Variants in NKAIN2 observed in about 807,000 individuals in gnomAD.
The protein encoded by NKAIN2 is sodium/potassium transporting ATPase interacting 2.
A neutral mutation model predicts 32.6 loss-of-function variants in NKAIN2; 14 were observed. The ratio of observed to expected loss-of-function variants is 0.43; its 90% CI spans 0.28 to 0.67. The LOEUF (loss-of-function observed/expected upper bound fraction) is 0.67. Among genes scored for constraint, NKAIN2 ranks in the 30% least tolerant of loss-of-function variants. The pLI, the probability that NKAIN2 is intolerant of heterozygous loss-of-function variation, is 0.17. For synonymous variants in NKAIN2, 80 were observed against 87.2 expected (o/e 0.92, Z 0.46); for missense variants, 198 against 258.3 (o/e 0.77, Z 1.60).
At chr6:124,627,757 G>C (rs1783409956) in intron 3 of NKAIN2, among the ~76,000 whole-genome samples, 1 of 152,018 alleles carries the variant, frequency 6.6e-6, no homozygotes, top group Non-Finnish European at 1.5e-5. Context: ...AGTTATTTCA[G>C]CTTTAGTGCC....
intron 1 of NKAIN2, among the ~76,000 whole-genome samples, chr6:123,824,750 A>G (rs547955126): frequency 2.0e-5 from 3 of 151,906 alleles, no homozygotes; most frequent in Non-Finnish European, 4.4e-5. Flanking sequence ...AAAGAAAAAG[A>G]AAAAACAATT....
At chr6:124,007,130 T>C (rs1414708055) in intron 1 of NKAIN2, among the ~76,000 whole-genome samples, 1 of 152,202 alleles carries the variant, frequency 6.6e-6, no homozygotes, top group Non-Finnish European at 1.5e-5. Flanking sequence ...CTGTACAGCA[T>C]GTTACTGTGC....
At chr6:124,553,055 A>C (rs142234128) in intron 3 of NKAIN2, among the ~76,000 whole-genome samples, 2 of 152,344 alleles carry the variant, frequency 1.3e-5, no homozygotes, top group East Asian at 3.9e-4. Flanking sequence ...AGGAGACAGA[A>C]ATGTCTATAC....
rs1316547046 is a variant in NKAIN2 at position 124,278,652 on chromosome 6, TATATATA to T, written c.55-4352_55-4346del. On this transcript the variant is annotated intron_variant, in intron 1 of 6. Transcript: ENST00000368417. ...CACAAACACACATATACATAGCTCA[TATATATA>T]TATATATATATATATATATATATAT... is the stretch of plus-strand genomic sequence containing the variant. 6.7e-3 allele frequency among the ~76,000 whole-genome samples: 326 copies of T among 48,814 alleles called. 5 individuals are homozygous for T. The highest frequency in any genetic ancestry group is 0.036 in the African/African-American group (315 of 8,654). The allele number at this position is 48,814 out of a possible 152,430, so 32.0% of individuals were successfully genotyped here.
At chr6:124,690,055 C>A (rs889542319) in intron 4 of NKAIN2, among the ~76,000 whole-genome samples, 2 of 152,078 alleles carry the variant, frequency 1.3e-5, no homozygotes, top group Non-Finnish European at 2.9e-5. Flanking sequence ...GAACAGATAT[C>A]TTGAAATATT....
chr6:124,006,637 C>T (rs1039318647), intron 1 of NKAIN2, among the ~76,000 whole-genome samples: 1 of 152,112 alleles, frequency 6.6e-6, no homozygotes, highest in Non-Finnish European at 1.5e-5. Context: ...GCCCTTAGTG[C>T]CTGCACTTCT....
chr6:124,628,181 C>G (rs1467481611), intron 3 of NKAIN2, among the ~76,000 whole-genome samples: 1 of 152,142 alleles, frequency 6.6e-6, no homozygotes, highest in Non-Finnish European at 1.5e-5. Flanking sequence ...CTACTTAAAT[C>G]TTTCCGTTCC....
chr6:124,683,340 A>G (rs1172777431), intron 4 of NKAIN2, among the ~76,000 whole-genome samples: 2 of 152,162 alleles, frequency 1.3e-5, no homozygotes, highest in Non-Finnish European at 2.9e-5. Flanking sequence ...GACTTTCTCT[A>G]TATTGCTATG....
At chr6:123,907,032 C>A (rs1302188688) in intron 1 of NKAIN2, among the ~76,000 whole-genome samples, 1 of 152,158 alleles carries the variant, frequency 6.6e-6, no homozygotes, top group African/African-American at 2.4e-5. Flanking sequence ...TAGAGGCCTT[C>A]TGTTGTATCT....
chr6:124,743,906 T>A (rs901818067), intron 4 of NKAIN2, among the ~76,000 whole-genome samples: 2 of 151,868 alleles, frequency 1.3e-5, no homozygotes, highest in Non-Finnish European at 2.9e-5. Context: ...TGCTGTAGAA[T>A]AAATGACAGT....
At chr6:124,768,553 G>A (rs568899579) in intron 4 of NKAIN2, among the ~76,000 whole-genome samples, 1 of 152,164 alleles carries the variant, frequency 6.6e-6, no homozygotes, top group South Asian at 2.1e-4. Context: ...TAATCCTACA[G>A]TGTTTCCTAA....
intron 4 of NKAIN2, among the ~76,000 whole-genome samples, chr6:124,696,442 T>A (rs980056862): frequency 1.3e-5 from 2 of 152,060 alleles, no homozygotes; most frequent in African/African-American, 4.8e-5. Context: ...GCTTCAGAGT[T>A]TTCTCCCTGC....
chr6:124,312,415 CT>C (rs1796759045), intron 2 of NKAIN2, among the ~76,000 whole-genome samples: 1 of 152,212 alleles, frequency 6.6e-6, no homozygotes, highest in Non-Finnish European at 1.5e-5. Context: ...TCTGGAACTT[CT>C]GACAGACCTG....
intron 1 of NKAIN2, among the ~76,000 whole-genome samples, chr6:124,087,726 G>C (rs1002056175): frequency 6.6e-6 from 1 of 151,858 alleles, no homozygotes. Context: ...TAATAGTAGG[G>C]AAAAAGTACC....
chr6:124,340,349 T>A (rs564421278), intron 2 of NKAIN2, among the ~76,000 whole-genome samples: 1 of 152,262 alleles, frequency 6.6e-6, no homozygotes, highest in South Asian at 2.1e-4. Flanking sequence ...GATTATTTTT[T>A]AAAAAAACTC....
chr6:123,937,999 G>A (rs1363502077), intron 1 of NKAIN2, among the ~76,000 whole-genome samples: 1 of 18,870 alleles, frequency 5.3e-5, no homozygotes, highest in Admixed American at 5.4e-4. Flanking sequence ...ACACGAAAAG[G>A]TCAAGAATCC....
intron 1 of NKAIN2, among the ~76,000 whole-genome samples, chr6:124,201,988 A>T (rs1236441917): frequency 6.6e-6 from 1 of 151,952 alleles, no homozygotes; most frequent in Non-Finnish European, 1.5e-5. Context: ...GTTGTGTATT[A>T]TCAACAAACG....
chr6:124,155,342 T>A (rs760947442), intron 1 of NKAIN2, among the ~76,000 whole-genome samples: 1 of 152,066 alleles, frequency 6.6e-6, no homozygotes, highest in African/African-American at 2.4e-5. Flanking sequence ...AAATGATAAG[T>A]GTTCAAGATG....
intron 3 of NKAIN2, among the ~76,000 whole-genome samples, chr6:124,644,491 G>A (rs1458600592): frequency 1.3e-5 from 2 of 151,042 alleles, no homozygotes; most frequent in Non-Finnish European, 2.9e-5. Context: ...TGAAACCTCC[G>A]CCTCCCGGGT....
Sources: allele counts gnomAD v4.1 joint callset (sites outside exome capture counted in the v4.1 genomes callset), GRCh38; gene constraint gnomAD v4.1.1; transcripts MANE v1.5; gene names NCBI Gene and HGNC (gene_info 2026-07-23, HGNC 2026-07-21).